Variants in HIVEP2 observed in about 807,000 individuals in gnomAD.
HIVEP2 encodes transcription factor HIVEP2.
In HIVEP2, 14 loss-of-function variants were observed where a neutral mutation model predicts 180.7. That is an observed-to-expected ratio of 0.08 (90% confidence interval 0.05 to 0.12). The LOEUF is 0.12. Ranked by LOEUF, HIVEP2 falls within the 10% of genes least tolerant of loss-of-function variation. The probability of loss-of-function intolerance (pLI) is 1.00; values close to 1 mark genes in which losing one functional copy is unlikely to be tolerated. For synonymous variants in HIVEP2, 1,184 were observed against 1,136.4 expected (o/e 1.04, Z -0.84); for missense variants, 2,579 against 3,008.5 (o/e 0.86, Z 3.34).
intron 1 of HIVEP2, among the ~76,000 whole-genome samples, chr6:142,861,726 A>G (rs2114957199): frequency 6.6e-6 from 1 of 152,268 alleles, no homozygotes; most frequent in African/African-American, 2.4e-5. Flanking sequence ...CTAAGTTCAA[A>G]GTTGTCAGTC....
intron 1 of HIVEP2, among the ~76,000 whole-genome samples, chr6:142,918,822 A>C (rs772072498): frequency 6.6e-6 from 1 of 152,242 alleles, no homozygotes; most frequent in Non-Finnish European, 1.5e-5. Flanking sequence ...AGGTTCCAGT[A>C]ATTTAGAAAA....
intron 2 of HIVEP2, among the ~76,000 whole-genome samples, chr6:142,800,052 A>T (rs1776367987): frequency 6.6e-6 from 1 of 152,186 alleles, no homozygotes; most frequent in Admixed American, 6.6e-5. Context: ...CTAAGCAGCA[A>T]ATATTTTCCC....
chr6:142,885,847 A>G (rs9376711), intron 1 of HIVEP2, among the ~76,000 whole-genome samples: 23,559 of 152,188 alleles, frequency 0.15, 2,526 homozygotes, highest in East Asian at 0.42. Flanking sequence ...ATCTTATAAA[A>G]TGCCGCCTAA....
chr6:142,771,347 T>C lies in HIVEP2; in HGVS notation c.3392A>G (p.Gln1131Arg). 1.2e-6 allele frequency: 2 copies of C among 1,613,036 alleles called. No individual in the cohort carries two copies. Among genetic ancestry groups the C allele is most frequent in the South Asian group, 2.2e-5 (2 of 91,082 alleles). The change falls in exon 5 of 10, where the codon CAG becomes CGG. Residue 1131 changes from glutamine (Q) to arginine (R), a missense_variant. Around this residue, in one of 11 missense-constraint regions of HIVEP2, gnomAD observed 523 missense variants for 577.0 expected, o/e 0.91. Coordinates refer to ENST00000367603, the MANE Select transcript of HIVEP2 (RefSeq NM_006734.4). The surrounding 1 kb of genome is among the most constrained non-coding windows in gnomAD (Gnocchi z 5.4). ...CACCTGCTTCCCTGGGTCCTCTTGC[T>C]GAAGAGGAGGCAGCACAGCAGGCGG... ...HGPPAVLPPL[Q>R]QEDPGKQVAG... is the part of the protein sequence containing the mutation.
rs775450593 is a variant in HIVEP2, at chr6:142,760,263, A to G, written c.6025T>C (p.Ser2009Pro). 6.2e-7 allele frequency: 1 copy of G among 1,614,100 alleles called. No homozygotes were observed. Among genetic ancestry groups the G allele is most frequent in the Non-Finnish European group, 8.5e-7 (1 of 1,180,012 alleles). Residue 2009 changes from serine (S) to proline (P), a missense_variant, in exon 9 of 10, where the codon TCA becomes CCA. Ser to Pro is a moderately conservative substitution (Grantham distance 74). Transcript: ENST00000367603. ...TCCAATCTGTCTTTGTCTGGTTCTG[A>G]GTCCGTACTTTTGCTCTGGAATAGC... ...QRLFQSKSTD[S>P]EPDKDRLDIP...
At chr6:142,866,899 A>G (rs1776154545) in intron 1 of HIVEP2, among the ~76,000 whole-genome samples, 7 of 152,196 alleles carry the variant, frequency 4.6e-5, no homozygotes, top group Admixed American at 4.6e-4. Flanking sequence ...AAAAAGCGAA[A>G]AAGAAAATAA....
chr6:142,907,986 A>G (rs1464380118), intron 1 of HIVEP2, among the ~76,000 whole-genome samples: 1 of 152,240 alleles, frequency 6.6e-6, no homozygotes, highest in African/African-American at 2.4e-5. Flanking sequence ...ACTGAATTAC[A>G]GAAAATCAAA....
chr6:142,803,748 A>T (rs1338084430), intron 2 of HIVEP2, among the ~76,000 whole-genome samples: 1 of 152,130 alleles, frequency 6.6e-6, no homozygotes, highest in Non-Finnish European at 1.5e-5. Flanking sequence ...ATGAAGAATG[A>T]TTCCTCCTTT....
In HIVEP2 at chr6:142,769,823, G is replaced by C; in HGVS notation, c.4916C>G (p.Pro1639Arg). The C allele has an allele frequency of 6.2e-7, 1 of 1,614,166 alleles. No individual in the cohort carries two copies. Among genetic ancestry groups the C allele is most frequent in the Non-Finnish European group, 8.5e-7 (1 of 1,180,032 alleles). ...MADFQQILQFPSLRTTTTVSW... is the reference protein window; with the variant it reads ...MADFQQILQFRSLRTTTTVSW... ...CACAGTAGTTGTTGTCCGCAGACTG[G>C]GGAACTGAAGAATCTGCTGGAAATC... Residue 1639 changes from proline (P) to arginine (R), a missense_variant, in exon 5 of 10, where the codon CCC becomes CGC. This residue lies in a region of HIVEP2 where 349 missense variants were observed against 367.2 expected (regional missense o/e 0.95). Transcript: ENST00000367603.
chr6:142,815,313 T>C (rs1776805257), intron 2 of HIVEP2, among the ~76,000 whole-genome samples: 1 of 152,072 alleles, frequency 6.6e-6, no homozygotes, highest in Non-Finnish European at 1.5e-5. Context: ...GAATCAATGA[T>C]GGAGACTGAG....
chr6:142,872,753 C>T (rs577485521), intron 1 of HIVEP2, among the ~76,000 whole-genome samples: 1 of 152,178 alleles, frequency 6.6e-6, no homozygotes, highest in Non-Finnish European at 1.5e-5. Context: ...TACCTCTTTT[C>T]TGTAACAGAA....
rs566304062 is a variant in HIVEP2 at position 142,934,195 on chromosome 6, T to TA, written c.-641+10903dup. Among the ~76,000 whole-genome samples, 564 of 152,342 alleles carry TA rather than the reference T, an allele frequency of 3.7e-3. 1 individual carries two copies. Among genetic ancestry groups the TA allele is most frequent in the African/African-American group, 0.013 (523 of 41,578 alleles). ...CAACAATTGAATTATTCTCAAAACT[T>TA]AGTGTTGCTTCACACACTAAAAATA... is the stretch of plus-strand genomic sequence containing the variant. On this transcript the variant is annotated intron_variant, in intron 1 of 9. Transcript: ENST00000367603.
In HIVEP2 at chr6:142,771,575, T is replaced by G. The variant is rs1363507559; in HGVS notation, c.3164A>C (p.Asn1055Thr). The part of the protein sequence containing the change: ...EVRSKSFDYG[N>T]LSHAPVSGAA... ...TCCCGACACAGGAGCATGGGACAGA[T>G]TCCCATAATCAAATGATTTGCTCCG... Residue 1055 changes from asparagine to threonine, a missense_variant, in exon 5 of 10, where the codon AAT (asparagine) becomes ACT (threonine). This residue lies in a region of HIVEP2 where 523 missense variants were observed against 577.0 expected (regional missense o/e 0.91). Coordinates refer to ENST00000367603, the MANE Select transcript of HIVEP2 (RefSeq NM_006734.4). The surrounding 1 kb of genome is among the most constrained non-coding windows in gnomAD (Gnocchi z 5.4). 6.2e-7 allele frequency: 1 copy of G among 1,614,070 alleles called. No individual in the cohort carries two copies. The highest frequency in any genetic ancestry group is 8.5e-7 in the Non-Finnish European group (1 of 1,180,024).
intron 1 of HIVEP2, among the ~76,000 whole-genome samples, chr6:142,894,473 A>T (rs750628900): frequency 6.6e-6 from 1 of 152,222 alleles, no homozygotes; most frequent in Non-Finnish European, 1.5e-5. Context: ...TATGGCACTT[A>T]AAAGTAGATG....
At chr6:142,932,478 A>C (rs1777963372) in intron 1 of HIVEP2, among the ~76,000 whole-genome samples, 1 of 152,218 alleles carries the variant, frequency 6.6e-6, no homozygotes, top group East Asian at 1.9e-4. Context: ...TATTAAAAAA[A>C]ACTCAGCCTG....
rs1562506368 is a variant in HIVEP2, at chr6:142,771,687, C to T, written c.3052G>A (p.Val1018Ile). 6.2e-7 allele frequency: 1 copy of T among 1,614,166 alleles called. No homozygotes were observed. Among genetic ancestry groups the T allele is most frequent in the Admixed American group, 1.7e-5 (1 of 60,034 alleles). Residue 1018 changes from valine (V) to isoleucine (I), a missense_variant, in exon 5 of 10, where the codon GTC becomes ATC. Physicochemically the swap from Val to Ile is conservative, Grantham distance 29. Around this residue, in one of 11 missense-constraint regions of HIVEP2, gnomAD observed 523 missense variants for 577.0 expected, o/e 0.91. Coordinates refer to ENST00000367603, the MANE Select transcript of HIVEP2 (RefSeq NM_006734.4). This position sits in a 1 kb window ranked among gnomAD's most constrained non-coding sequence, Gnocchi z 5.4. ...TCTTTCTGGTGGTGATGGCCTGGGA[C>T]AGACAATGAGTATGAACCAGCAGGG... The part of the protein sequence containing the change: ...TVPAGSYSLS[V>I]PGHHHQKEMR...
intron 3 of HIVEP2, among the ~76,000 whole-genome samples, chr6:142,781,998 G>A (rs1185909757): frequency 5.3e-5 from 8 of 152,200 alleles, no homozygotes; most frequent in Non-Finnish European, 1.0e-4. Context: ...CTTGAGTGGT[G>A]GCAAAAGTCA....
intron 6 of HIVEP2, among the ~76,000 whole-genome samples, chr6:142,765,591 T>C (rs999326591): frequency 2.6e-5 from 4 of 152,312 alleles, no homozygotes; most frequent in Middle Eastern, 3.4e-3. Context: ...ACCATGAATC[T>C]GTAATAATGT....
intron 2 of HIVEP2, among the ~76,000 whole-genome samples, chr6:142,793,521 G>A (rs1482019906): frequency 1.3e-4 from 20 of 152,056 alleles, no homozygotes; most frequent in Admixed American, 1.3e-3. Flanking sequence ...AGAGTAAGGT[G>A]TCAATTCTAG....
Sources: gnomAD v4.1 joint callset for allele counts (sites outside exome capture counted in the v4.1 genomes callset) on GRCh38, gnomAD v4.1.1 for gene constraint, gnomAD v4.1.1 regional missense constraint, Gnocchi (gnomAD v3.1) non-coding constraint, MANE v1.5 for transcripts, NCBI Gene and HGNC (gene_info 2026-07-23, HGNC 2026-07-21) for gene names.